Variants in ACVR1 observed in about 807,000 individuals in gnomAD.
The protein encoded by ACVR1 is activin receptor type-1.
A neutral mutation model predicts 57.1 loss-of-function variants in ACVR1; 38 were observed. The observed-to-expected ratio is 0.67, with a 90% CI of 0.51 to 0.87. The LOEUF (loss-of-function observed/expected upper bound fraction) is 0.87. ACVR1 is among the 40% of genes least tolerant of loss of function. ACVR1 has a pLI of 0.00. For missense variants in ACVR1, 463 were observed against 638.2 expected (o/e 0.73, Z 2.96); for synonymous variants, 212 against 228.1 (o/e 0.93, Z 0.63).
At chr2:157,788,369 C>T (rs761360447) in intron 3 of ACVR1, among the ~76,000 whole-genome samples, 1 of 152,222 alleles carries the variant, frequency 6.6e-6, no homozygotes, top group African/African-American at 2.4e-5. Context: ...TGGAATCTCA[C>T]GTTGTCCAGC....
At position 157,736,516 on chromosome 2, in the gene ACVR1, T is replaced by C. The variant is rs1432801569; in HGVS notation, c.*1015A>G. Reference sequence around the variant, plus strand: ...ATACAAAAAGTAGATTAAAACAAAATAGTTATTTTTTTCTGGCAGAGTTTA... The same window carrying C: ...ATACAAAAAGTAGATTAAAACAAAACAGTTATTTTTTTCTGGCAGAGTTTA... On this transcript the variant is annotated 3_prime_UTR_variant, in exon 11 of 11. Transcript: ENST00000434821. 4.2e-6 allele frequency: 1 copy of C among 238,850 alleles called. No individual in the cohort carries two copies. The highest frequency in any genetic ancestry group is 7.9e-6 in the Non-Finnish European group (1 of 125,788). 14.8% of individuals were successfully genotyped at this position (238,850 alleles called of 1,614,324 possible). A position where few individuals can be genotyped will look rare whatever the true frequency, so the allele number is the denominator to read the frequency against.
chr2:157,774,031 T>A, intron 6 of ACVR1, 57 bp downstream of exon 6: 2 of 1,507,710 alleles, frequency 1.3e-6, no homozygotes, highest in South Asian at 1.1e-5. Context: ...ATCTTTTACT[T>A]CAAAAACAAA....
intron 3 of ACVR1, among the ~76,000 whole-genome samples, chr2:157,795,594 A>ACAAGT (rs1432133443): frequency 6.6e-6 from 1 of 152,078 alleles, no homozygotes; most frequent in African/African-American, 2.4e-5. Context: ...TAAACATCCT[A>ACAAGT]ATGGTGGTGG....
rs866052256 is a variant in ACVR1 at position 157,857,069 on chromosome 2, C to G, written c.-183+18727G>C. ...CAAAAATTAGCCAGGTGTGGTGGTA[C>G]GCACTGTAGTCTCAGCTATTCAGGA... On this transcript the variant is annotated intron_variant, in intron 1 of 10. Transcript: ENST00000434821. Among the ~76,000 whole-genome samples, 30 of 152,060 alleles carry G rather than the reference C, an allele frequency of 2.0e-4. 1 individual carries two copies. Among genetic ancestry groups the G allele is most frequent in the African/African-American group, 7.2e-4 (30 of 41,466 alleles).
intron 2 of ACVR1, among the ~76,000 whole-genome samples, chr2:157,801,222 G>A (rs1189137718): frequency 2.0e-5 from 3 of 152,156 alleles, no homozygotes; most frequent in Admixed American, 2.0e-4. Context: ...TAGTACAGGA[G>A]GTATCTTTCA....
chr2:157,844,515 T>C (rs1689070674), intron 1 of ACVR1, among the ~76,000 whole-genome samples: 1 of 152,058 alleles, frequency 6.6e-6, no homozygotes, highest in Non-Finnish European at 1.5e-5. Flanking sequence ...AAAAAAAACT[T>C]GGGATGAGAA....
At chr2:157,828,060 C>T (rs1245541812) in intron 1 of ACVR1, among the ~76,000 whole-genome samples, 2 of 152,090 alleles carry the variant, frequency 1.3e-5, no homozygotes, top group East Asian at 1.9e-4. Flanking sequence ...TAGTGGCTCA[C>T]GCTTGTAATC....
intron 9 of ACVR1, among the ~76,000 whole-genome samples, chr2:157,739,883 T>C (rs1684685893): frequency 6.6e-6 from 1 of 152,214 alleles, no homozygotes; most frequent in Admixed American, 6.5e-5. Flanking sequence ...CAAGTCTAAA[T>C]TATATTTTTT....
At chr2:157,840,205 C>T (rs1688931560) in intron 1 of ACVR1, among the ~76,000 whole-genome samples, 1 of 152,192 alleles carries the variant, frequency 6.6e-6, no homozygotes, top group Non-Finnish European at 1.5e-5. Context: ...AATAACAGGG[C>T]TCTAGGGACA....
intron 8 of ACVR1, among the ~76,000 whole-genome samples, chr2:157,765,345 A>AAT (rs1559044051): frequency 6.6e-6 from 1 of 152,230 alleles, no homozygotes; most frequent in Non-Finnish European, 1.5e-5. Context: ...AACTAATTCT[A>AAT]TAGAGTATTT....
At position 157,862,869 on chromosome 2, in the gene ACVR1, CAA is replaced by C. The variant is rs1158581005; in HGVS notation, c.-183+12925_-183+12926del. On this transcript the variant is annotated intron_variant, in intron 1 of 10. Transcript: ENST00000434821. ...TGGGCGACAGAGCGAGACTCCGTCTCAAAAAAAAAAAAAAAGAAAAGGTAACT... is the reference window on the plus strand; with the variant it reads ...TGGGCGACAGAGCGAGACTCCGTCTCAAAAAAAAAAAAAGAAAAGGTAACT... Among the ~76,000 whole-genome samples, 76 of 141,710 alleles carry C rather than the reference CAA, an allele frequency of 5.4e-4. 27 individuals carry two copies. Among genetic ancestry groups the C allele is most frequent in the African/African-American group, 2.2e-3 (74 of 34,350 alleles). 93.0% of individuals were successfully genotyped at this position (141,710 alleles called of 152,430 possible).
intron 7 of ACVR1, among the ~76,000 whole-genome samples, chr2:157,767,496 G>A (rs867676349): frequency 6.6e-6 from 1 of 152,060 alleles, no homozygotes; most frequent in Admixed American, 6.6e-5. Flanking sequence ...TATGAACCAC[G>A]CTGGTAGACA....
At chr2:157,779,315 G>A (rs977044298) in intron 4 of ACVR1, among the ~76,000 whole-genome samples, 3 of 152,210 alleles carry the variant, frequency 2.0e-5, no homozygotes, top group African/African-American at 7.2e-5. Flanking sequence ...AAGTATAACA[G>A]TAAATTTTAT....
chr2:157,759,448 G>A (rs1685557295), intron 9 of ACVR1, among the ~76,000 whole-genome samples: 1 of 151,942 alleles, frequency 6.6e-6, no homozygotes, highest in Admixed American at 6.6e-5. Context: ...ATAACAAGAT[G>A]GAGTCGGTAA....
intron 1 of ACVR1, among the ~76,000 whole-genome samples, chr2:157,872,028 G>T (rs1255437798): frequency 6.6e-6 from 1 of 152,126 alleles, no homozygotes; most frequent in Non-Finnish European, 1.5e-5. Flanking sequence ...GCATTCTATG[G>T]CCAACTGCTA....
intron 9 of ACVR1, among the ~76,000 whole-genome samples, chr2:157,754,615 A>T (rs1476050615): frequency 3.9e-5 from 6 of 152,170 alleles, no homozygotes; most frequent in African/African-American, 9.6e-5. Context: ...ATGGTAATTT[A>T]AAAAATTACC....
chr2:157,757,006 GAT>G (rs1164003611), intron 9 of ACVR1, among the ~76,000 whole-genome samples: 15 of 129,592 alleles, frequency 1.2e-4, no homozygotes, highest in African/African-American at 1.6e-4. Flanking sequence ...ATATATTTGA[GAT>G]ATATATATAT....
chr2:157,803,315 G>A (rs1057026057), intron 2 of ACVR1, among the ~76,000 whole-genome samples: 15 of 152,190 alleles, frequency 9.9e-5, no homozygotes, highest in East Asian at 3.9e-4. Context: ...GACTAATTCC[G>A]TCTCTAGTGT....
At chr2:157,845,183 G>C (rs1315801451) in intron 1 of ACVR1, among the ~76,000 whole-genome samples, 1 of 152,220 alleles carries the variant, frequency 6.6e-6, no homozygotes, top group Non-Finnish European at 1.5e-5. Flanking sequence ...TATGACTGCT[G>C]ACTGAGGTAG....
Sources: allele counts gnomAD v4.1 joint callset (sites outside exome capture counted in the v4.1 genomes callset), GRCh38; gene constraint gnomAD v4.1.1; transcripts MANE v1.5; gene names NCBI Gene and HGNC (gene_info 2026-07-23, HGNC 2026-07-21).